STK4: variants seen among roughly 807,000 people sequenced by gnomAD.
The protein encoded by STK4 is serine/threonine kinase 4.
Under a neutral mutation model 64.9 loss-of-function variants are expected in STK4, and 30 were observed. That is an observed-to-expected ratio of 0.46 (90% confidence interval 0.35 to 0.63). The LOEUF (loss-of-function observed/expected upper bound fraction) is 0.63, where lower values mean the gene tolerates loss of function less well. Among genes scored for constraint, STK4 ranks in the 20% least tolerant of loss-of-function variants. The probability of loss-of-function intolerance (pLI) is 0.01; values close to 1 mark genes in which losing one functional copy is unlikely to be tolerated. For missense variants in STK4, 466 were observed against 598.5 expected (o/e 0.78, Z 2.31); for synonymous variants, 177 against 199.0 (o/e 0.89, Z 0.93).
chr20:44,994,181 G>A (rs2067686051), intron 5 of STK4, among the ~76,000 whole-genome samples: 1 of 149,970 alleles, frequency 6.7e-6, no homozygotes, highest in Admixed American at 6.7e-5. Context: ...TTTTTTTATT[G>A]CACATGTATG....
intron 8 of STK4, 148 bp downstream of exon 8, chr20:45,000,668 TG>T: frequency 8.8e-7 from 1 of 1,142,738 alleles, no homozygotes. Context: ...GATCAACGCA[TG>T]CTAGAGGGTT....
intron 10 of STK4, among the ~76,000 whole-genome samples, chr20:45,041,326 CACAG>C (rs147476480): frequency 0.061 from 9,311 of 151,976 alleles, 935 homozygotes; most frequent in African/African-American, 0.21. Context: ...TGCATGCACG[CACAG>C]ACAAATACAT....
At chr20:45,059,139 C>T (rs552336265) in intron 10 of STK4, among the ~76,000 whole-genome samples, 1 of 152,296 alleles carries the variant, frequency 6.6e-6, no homozygotes, top group South Asian at 2.1e-4. Context: ...AATTTAATCC[C>T]TTTTCTATCT....
At chr20:45,063,840 C>T (rs1979319287) in intron 10 of STK4, among the ~76,000 whole-genome samples, 1 of 150,498 alleles carries the variant, frequency 6.6e-6, no homozygotes, top group African/African-American at 2.5e-5. Flanking sequence ...CGGAGTCTCG[C>T]TCTGTCACCC....
chr20:44,981,776 T>G, intron 3 of STK4, 53 bp from the exon 4 acceptor site: 1 of 1,035,980 alleles, frequency 9.7e-7, no homozygotes, highest in Non-Finnish European at 1.5e-6. Flanking sequence ...TAGCATGAAT[T>G]AAGAGATATT....
At chr20:45,061,841 T>TTTG (rs894556808) in intron 10 of STK4, among the ~76,000 whole-genome samples, 1 of 151,268 alleles carries the variant, frequency 6.6e-6, no homozygotes, top group African/African-American at 2.4e-5. Flanking sequence ...ACATGCAGTA[T>TTTG]TTGTTTTTCT....
chr20:45,075,414 CAG>C lies in STK4; in HGVS notation c.*241_*242del, dbSNP rs1980436180. Reference sequence around the variant, plus strand: ...AGGATTTATATTGGCGCTTTTAACTCAGAGTTTTAAACCCCAGGAACAGAGAC... The same window carrying C: ...AGGATTTATATTGGCGCTTTTAACTCAGTTTTAAACCCCAGGAACAGAGAC... On this transcript the variant is annotated 3_prime_UTR_variant, in exon 11 of 11. Coordinates refer to ENST00000372806, the MANE Select transcript of STK4 (RefSeq NM_006282.5). 3 of 419,236 alleles carry C rather than the reference CAG, an allele frequency of 7.2e-6. No individual in the cohort carries two copies. The highest frequency in any genetic ancestry group is 1.3e-5 in the Non-Finnish European group (3 of 235,664). 26.0% of individuals were successfully genotyped at this position (419,236 alleles called of 1,614,324 possible).
At chr20:45,015,485 A>G (rs1223973093) in intron 9 of STK4, among the ~76,000 whole-genome samples, 1 of 152,242 alleles carries the variant, frequency 6.6e-6, no homozygotes, top group South Asian at 2.1e-4. Flanking sequence ...TTAAACATCT[A>G]TCATCAGAGT....
chr20:45,012,325 C>A (rs1030520005), intron 9 of STK4, among the ~76,000 whole-genome samples: 1 of 152,160 alleles, frequency 6.6e-6, no homozygotes, highest in African/African-American at 2.4e-5. Context: ...TGAGCCACTG[C>A]ACCCGGCCTC....
Position 45,042,804 on chromosome 20 carries a change from T to G in STK4, c.1305+17674T>G, listed in dbSNP as rs571892215. Among the ~76,000 whole-genome samples the G allele has an allele frequency of 9.9e-5, 15 of 152,244 alleles. No individual in the cohort carries two copies. The East Asian group carries it at 2.9e-3, about 29-fold the overall frequency. On this transcript the variant is annotated intron_variant, in intron 10 of 10. Transcript: ENST00000372806. ...TATTGGTTGTTCGATACATCCAGAT[T>G]TTTTGACTGAAAATGTTAGATTTTA... is the stretch of plus-strand genomic sequence containing the variant.
intron 10 of STK4, among the ~76,000 whole-genome samples, chr20:45,032,678 G>A (rs907420177): frequency 2.6e-5 from 4 of 152,112 alleles, no homozygotes; most frequent in African/African-American, 9.7e-5. Context: ...TCATTGATGG[G>A]CATTTAGGTT....
chr20:45,052,567 C>T (rs761295684), intron 10 of STK4, among the ~76,000 whole-genome samples: 25 of 152,048 alleles, frequency 1.6e-4, no homozygotes, highest in South Asian at 8.3e-4. Context: ...GTTTTCAGGT[C>T]GTTCTAATAT....
chr20:44,987,780 G>A (rs1385224776), intron 5 of STK4, among the ~76,000 whole-genome samples: 1 of 151,718 alleles, frequency 6.6e-6, no homozygotes, highest in Non-Finnish European at 1.5e-5. Context: ...AAAAAAACTT[G>A]TTTTCAAAAT....
chr20:45,036,863 A>G (rs1408104453), intron 10 of STK4, among the ~76,000 whole-genome samples: 1 of 152,182 alleles, frequency 6.6e-6, no homozygotes, highest in Non-Finnish European at 1.5e-5. Context: ...TGGGGTTTTC[A>G]GAATGTATCT....
At chr20:45,007,082 T>A (rs564421360) in intron 9 of STK4, among the ~76,000 whole-genome samples, 1 of 152,316 alleles carries the variant, frequency 6.6e-6, no homozygotes, top group South Asian at 2.1e-4. Flanking sequence ...GTCTTGAGTT[T>A]CTGTTTGTTT....
At chr20:45,010,314 C>T (rs1475975531) in intron 9 of STK4, among the ~76,000 whole-genome samples, 1 of 152,154 alleles carries the variant, frequency 6.6e-6, no homozygotes, top group African/African-American at 2.4e-5. Flanking sequence ...ATCCGCCTGC[C>T]TCTGCCTCCC....
chr20:44,992,701 T>C (rs1444502083), intron 5 of STK4, among the ~76,000 whole-genome samples: 2 of 151,990 alleles, frequency 1.3e-5, no homozygotes, highest in African/African-American at 4.8e-5. Flanking sequence ...GTTTGTTTTT[T>C]GTTTTTTGTT....
At chr20:45,042,572 G>A (rs79969318) in intron 10 of STK4, among the ~76,000 whole-genome samples, 4,271 of 152,162 alleles carry the variant, frequency 0.028, 186 homozygotes, top group African/African-American at 0.092. Context: ...GAAATACAAC[G>A]CAATTAGCAT....
chr20:45,030,074 G>C (rs1047299516), intron 10 of STK4, among the ~76,000 whole-genome samples: 2 of 150,840 alleles, frequency 1.3e-5, no homozygotes, highest in Admixed American at 1.3e-4. Flanking sequence ...AAGGATATGT[G>C]TCAGACTTGC....
Sources: gnomAD v4.1 joint callset for allele counts (sites outside exome capture counted in the v4.1 genomes callset) on GRCh38, gnomAD v4.1.1 for gene constraint, MANE v1.5 for transcripts, NCBI Gene and HGNC (gene_info 2026-07-23, HGNC 2026-07-21) for gene names.